The following GOLGA6B variants were observed in gnomAD, a reference collection of about 807,000 sequenced individuals.
The protein encoded by GOLGA6B is golgin subfamily A member 6B.
GOLGA6B carries 11 observed loss-of-function variants against 63.0 expected under a neutral mutation model. The ratio of observed to expected loss-of-function variants is 0.17; its 90% CI spans 0.11 to 0.29. The LOEUF is 0.29. Ranked by LOEUF, GOLGA6B falls within the 10% of genes least tolerant of loss-of-function variation. The pLI is 1.00. For missense variants in GOLGA6B, 134 were observed against 563.8 expected (o/e 0.24, Z 7.72); for synonymous variants, 46 against 232.6 (o/e 0.20, Z 7.30).
chr15:72,664,460 C>G lies in GOLGA6B; in HGVS notation c.1450C>G (p.Gln484Glu). Residue 484 changes from glutamine (Q) to glutamate (E), a missense_variant, in exon 13 of 18, where the codon CAG becomes GAG. By Grantham distance (29) the Gln-to-Glu change is conservative. Transcript: ENST00000421285. ...GGAGCACCTAGAAGCTGCCAGCCAG[C>G]AGAACCAACAGCTAGAGACCCAGCT... The part of the protein sequence containing the change: ...DEEHLEAASQ[Q>E]NQQLETQLSL... 1 of 1,333,918 alleles carries G rather than the reference C, an allele frequency of 7.5e-7. No homozygotes were observed. Among genetic ancestry groups the G allele is most frequent in the Non-Finnish European group, 1.0e-6 (1 of 972,818 alleles). The allele number at this position is 1,333,918 out of a possible 1,614,324, so 82.6% of individuals were successfully genotyped here. A position where few individuals can be genotyped will look rare whatever the true frequency, so the allele number is the denominator to read the frequency against.
rs1276378313 is a variant in GOLGA6B, at chr15:72,667,518, C to A, written c.*1176C>A. Among the ~76,000 whole-genome samples the A allele has an allele frequency of 2.0e-5, 3 of 149,122 alleles. No individual in the cohort carries two copies. ...TGAAGGAAAGCTGTGTGACACCTGG[C>A]CTTCCTCTATGTTCATGGAGCTTCT... On this transcript the variant is annotated 3_prime_UTR_variant, in exon 18 of 18. Coordinates refer to ENST00000421285, the MANE Select transcript of GOLGA6B (RefSeq NM_018652.5).
chr15:72,664,090 G>A (rs1176785261), intron 12 of GOLGA6B, among the ~76,000 whole-genome samples: 1 of 130,098 alleles, frequency 7.7e-6, no homozygotes, highest in Non-Finnish European at 1.7e-5. Flanking sequence ...CTGGAAGCCA[G>A]CCACCATGTG....
chr15:72,660,585 G>T (rs1215042744), intron 7 of GOLGA6B, among the ~76,000 whole-genome samples: 6 of 91,914 alleles, frequency 6.5e-5, no homozygotes, highest in African/African-American at 2.8e-4. Flanking sequence ...AGAGGAAAGG[G>T]GTGTGTGTGT....
At chr15:72,657,389 G>A (rs566282943) in intron 2 of GOLGA6B, among the ~76,000 whole-genome samples, 1 of 150,966 alleles carries the variant, frequency 6.6e-6, no homozygotes, top group Non-Finnish European at 1.5e-5. Context: ...GTCACTCGGG[G>A]GACTTTTCCA....
At chr15:72,664,045 C>A (rs1210178754) in intron 12 of GOLGA6B, among the ~76,000 whole-genome samples, 1 of 129,534 alleles carries the variant, frequency 7.7e-6, no homozygotes, top group East Asian at 2.4e-4. Flanking sequence ...CAGAGCCCCA[C>A]GGTGCCCTCG....
intron 7 of GOLGA6B, 74 bp from the exon 8 acceptor site, chr15:72,661,190 A>C (rs1353053476): frequency 6.5e-7 from 1 of 1,543,716 alleles, no homozygotes; most frequent in African/African-American, 1.4e-5. Context: ...TTGTATATTG[A>C]GCCTAGCCCT....
rs2064641305 is a variant in GOLGA6B at position 72,666,606 on chromosome 15, CT to C, written c.*267del. 1.0e-5 allele frequency among the ~76,000 whole-genome samples: 1 copy of C among 96,228 alleles called. No homozygotes were observed. The highest frequency in any genetic ancestry group is 4.4e-5 in the African/African-American group (1 of 22,682). The allele number at this position is 96,228 out of a possible 152,430, so 63.1% of individuals were successfully genotyped here. ...GGAGAGTTGGTCTTTCCCTGATGTTCTTTCTGGCATCCTTTAGCATTTTTAT... is the reference window on the plus strand; with the variant it reads ...GGAGAGTTGGTCTTTCCCTGATGTTCTTCTGGCATCCTTTAGCATTTTTAT... On this transcript the variant is annotated 3_prime_UTR_variant, in exon 18 of 18. Coordinates refer to ENST00000421285, the MANE Select transcript of GOLGA6B (RefSeq NM_018652.5).
chr15:72,662,208 G>C (rs2064602271), intron 10 of GOLGA6B, 44 bp from the exon 11 acceptor site: 2 of 1,402,578 alleles, frequency 1.4e-6, no homozygotes, highest in Non-Finnish European at 1.9e-6. Context: ...TGGGTAGAGG[G>C]GTTGGGGAAT....
intron 7 of GOLGA6B, among the ~76,000 whole-genome samples, chr15:72,660,986 C>A (rs2064593077): frequency 6.6e-6 from 1 of 151,426 alleles, no homozygotes; most frequent in Non-Finnish European, 1.5e-5. Flanking sequence ...AGCATGGAAC[C>A]TGGTGAAGCA....
In GOLGA6B at chr15:72,667,883, T is replaced by A. The variant is rs2064646892; in HGVS notation, c.*1541T>A. On this transcript the variant is annotated 3_prime_UTR_variant, in exon 18 of 18. Transcript: ENST00000421285. ...GACAGACTTACGTTTCCTCACAAAG[T>A]TCTTCACAAAGAGTGAAATATGTTT... 5.0e-5 allele frequency among the ~76,000 whole-genome samples: 2 copies of A among 39,816 alleles called. 1 individual carries two copies. Among genetic ancestry groups the A allele is most frequent in the African/African-American group, 7.1e-5 (2 of 28,118 alleles). The allele number at this position is 39,816 out of a possible 152,430, so 26.1% of individuals were successfully genotyped here.
Position 72,662,383 on chromosome 15 carries a change from G to C in GOLGA6B, c.979G>C (p.Ala327Pro), listed in dbSNP as rs376161411. 2.3e-4 allele frequency: 324 copies of C among 1,392,594 alleles called. 76 individuals are homozygous for C. The highest frequency in any genetic ancestry group is 3.0e-4 in the Non-Finnish European group (303 of 1,026,360). 86.3% of individuals were successfully genotyped at this position (1,392,594 alleles called of 1,614,324 possible). A position where few individuals can be genotyped will look rare whatever the true frequency, so the allele number is the denominator to read the frequency against. Residue 327 changes from alanine (A) to proline (P), a missense_variant, in exon 11 of 18, where the codon GCC becomes CCC. Coordinates refer to ENST00000421285, the MANE Select transcript of GOLGA6B (RefSeq NM_018652.5). ...KLQSQVENNQ[A>P]LSLLSKEQKQ... ...CCAATCCCAGGTGGAAAACAATCAG[G>C]CCTTGAGTCTCCTTAGCAAGGAACA...
In GOLGA6B at chr15:72,661,273, T is replaced by C; in HGVS notation, c.574T>C (p.Cys192Arg). Reference sequence around the variant, plus strand: ...ACTCTTCACCATCCAGTCCTCGAGCTGCAGAGAAGCGGTCCTCCACCGGCG... The same window carrying C: ...ACTCTTCACCATCCAGTCCTCGAGCCGCAGAGAAGCGGTCCTCCACCGGCG... Reference protein sequence around the residue: ...QQQEEDRSSSCREAVLHRRLQ... With the variant: ...QQQEEDRSSSRREAVLHRRLQ... The change falls in exon 8 of 18, where the codon TGC (cysteine) becomes CGC (arginine). Residue 192 changes from cysteine to arginine, a missense_variant. Physicochemically the swap from Cys to Arg is radical, Grantham distance 180. Transcript: ENST00000421285. The C allele has an allele frequency of 6.2e-7, 1 of 1,613,438 alleles. No individual in the cohort carries two copies. The highest frequency in any genetic ancestry group is 8.5e-7 in the Non-Finnish European group (1 of 1,179,938).
intron 2 of GOLGA6B, among the ~76,000 whole-genome samples, chr15:72,657,644 A>C: frequency 2.6e-5 from 1 of 38,602 alleles, no homozygotes. Context: ...AACCTTAACC[A>C]CTCCAATGGG....
chr15:72,664,292 C>G, intron 12 of GOLGA6B, 144 bp from the exon 13 acceptor site: 1 of 1,110,740 alleles, frequency 9.0e-7, no homozygotes, highest in African/African-American at 1.6e-5. Context: ...GCTGCAGCAG[C>G]AGGAAGCTTG....
At position 72,665,790 on chromosome 15, in the gene GOLGA6B, T is replaced by TTCACC. The variant is rs2064634555; in HGVS notation, c.1706_1710dup (p.Val571SerfsTer31). 1 of 1,529,016 alleles carries TTCACC rather than the reference T, an allele frequency of 6.5e-7. No individual in the cohort carries two copies. Among genetic ancestry groups the TTCACC allele is most frequent in the Non-Finnish European group, 9.0e-7 (1 of 1,115,670 alleles). 94.7% of individuals were successfully genotyped at this position (1,529,016 alleles called of 1,614,324 possible). Reference sequence around the variant, plus strand: ...GCTGTGTCCTCTCACAGGAGAGTCCTTCACCGTATATGAAAGCCAGGGGGC... The same window carrying TTCACC: ...GCTGTGTCCTCTCACAGGAGAGTCCTTCACCTCACCGTATATGAAAGCCAGGGGGC... On this transcript the variant is annotated frameshift_variant, in exon 16 of 18. Coordinates refer to ENST00000421285, the MANE Select transcript of GOLGA6B (RefSeq NM_018652.5). LOFTEE classifies it high-confidence loss of function.
At position 72,664,309 on chromosome 15, in the gene GOLGA6B, A is replaced by C. The variant is rs2064619648; in HGVS notation, c.1426-127A>C. The stretch of plus-strand genomic sequence containing the variant: ...TGCAGCAGCAGGAAGCTTGGGGCAA[A>C]GCGGTGGCTGAGATGGCCGGCCAAA... On this transcript the variant is annotated intron_variant, in intron 12 of 17. Coordinates refer to ENST00000421285, the MANE Select transcript of GOLGA6B (RefSeq NM_018652.5). 30 of 1,174,758 alleles carry C rather than the reference A, an allele frequency of 2.6e-5. 6 individuals carry two copies. The East Asian group carries it at 8.2e-4, about 32-fold the overall frequency. The allele number at this position is 1,174,758 out of a possible 1,614,324, so 72.8% of individuals were successfully genotyped here. A position where few individuals can be genotyped will look rare whatever the true frequency, so the allele number is the denominator to read the frequency against.
rs1335707599 is a variant in GOLGA6B at position 72,662,160 on chromosome 15, A to G, written c.848-92A>G. On this transcript the variant is annotated intron_variant, in intron 10 of 17. Transcript: ENST00000421285. ...GAAGCCTGAGAGGAGCTGTGCATCA[A>G]GAGGAGGTTTTTTTTTTTTTTTTTT... is the stretch of plus-strand genomic sequence containing the variant. The G allele has an allele frequency of 2.4e-6, 3 of 1,233,318 alleles. No homozygotes were observed. In the African/African-American group the frequency reaches 5.5e-5, roughly 22 times the overall value. The allele number at this position is 1,233,318 out of a possible 1,614,324, so 76.4% of individuals were successfully genotyped here. A position where few individuals can be genotyped will look rare whatever the true frequency, so the allele number is the denominator to read the frequency against.
In GOLGA6B at chr15:72,664,465, C is replaced by G. The variant is rs745444336; in HGVS notation, c.1455C>G (p.Asn485Lys). 11 of 1,342,880 alleles carry G rather than the reference C, an allele frequency of 8.2e-6. 3 individuals carry two copies. The highest frequency in any genetic ancestry group is 1.4e-5 in the African/African-American group (1 of 69,076). 83.2% of individuals were successfully genotyped at this position (1,342,880 alleles called of 1,614,324 possible). The change falls in exon 13 of 18, where the codon AAC becomes AAG. Residue 485 changes from asparagine (N) to lysine (K), a missense_variant. Physicochemically the swap from Asn to Lys is moderately conservative, Grantham distance 94 (BLOSUM62 0). Coordinates refer to ENST00000421285, the MANE Select transcript of GOLGA6B (RefSeq NM_018652.5). ...ACCTAGAAGCTGCCAGCCAGCAGAA[C>G]CAACAGCTAGAGACCCAGCTAAGCC... Reference protein sequence around the residue: ...EEHLEAASQQNQQLETQLSLV... With the variant: ...EEHLEAASQQKQQLETQLSLV...
In GOLGA6B at chr15:72,664,274, G is replaced by A. The variant is rs535053896; in HGVS notation, c.1426-162G>A. Among the ~76,000 whole-genome samples the A allele has an allele frequency of 6.9e-5, 9 of 130,236 alleles. 2 individuals carry two copies. The highest frequency in any genetic ancestry group is 5.5e-4 in the South Asian group (2 of 3,626). The allele number at this position is 130,236 out of a possible 152,430, so 85.4% of individuals were successfully genotyped here. A position where few individuals can be genotyped will look rare whatever the true frequency, so the allele number is the denominator to read the frequency against. ...GCAGTTACTGCTGCAGACCCAGCTCGTGGACCAGCTGCAGCAGCAGGAAGC... is the reference window on the plus strand; with the variant it reads ...GCAGTTACTGCTGCAGACCCAGCTCATGGACCAGCTGCAGCAGCAGGAAGC... On this transcript the variant is annotated intron_variant, in intron 12 of 17. Transcript: ENST00000421285.
Sources: allele counts gnomAD v4.1 joint callset (sites outside exome capture counted in the v4.1 genomes callset), GRCh38; gene constraint gnomAD v4.1.1; transcripts MANE v1.5; gene names NCBI Gene and HGNC (gene_info 2026-07-23, HGNC 2026-07-21).